PAK5: variants seen among roughly 807,000 people sequenced by gnomAD.
PAK5 encodes serine/threonine-protein kinase PAK 5.
In PAK5, 16 loss-of-function variants were observed where a neutral mutation model predicts 65.9. The ratio of observed to expected loss-of-function variants is 0.24; its 90% CI spans 0.16 to 0.37. The LOEUF is 0.37. PAK5 is among the 10% of genes least tolerant of loss of function. PAK5 has a pLI of 1.00. For synonymous variants in PAK5, 371 were observed against 354.9 expected (o/e 1.05, Z -0.51); for missense variants, 785 against 903.9 (o/e 0.87, Z 1.69).
intron 1 of PAK5, among the ~76,000 whole-genome samples, chr20:9,799,814 G>T (rs932043693): frequency 1.3e-5 from 2 of 151,308 alleles, no homozygotes; most frequent in Admixed American, 1.3e-4. Flanking sequence ...GATGGTGTGC[G>T]CCTATAGTCA....
At position 9,537,453 on chromosome 20, in the gene PAK5, C is replaced by CA. The variant is rs2045189147; in HGVS notation, c.*2008_*2009insT. On this transcript the variant is annotated 3_prime_UTR_variant, in exon 10 of 10. Transcript: ENST00000353224. ...CTGCCAATAGTTAGTGCTCACAAAACCTTTTAAGCTACAGTAACTTTTGGT... is the reference window on the plus strand; with the variant it reads ...CTGCCAATAGTTAGTGCTCACAAAACACTTTTAAGCTACAGTAACTTTTGGT... The CA allele has an allele frequency of 4.3e-5, 9 of 209,208 alleles. No homozygotes were observed. The highest frequency in any genetic ancestry group is 2.0e-4 in the African/African-American group (9 of 43,942). The allele number at this position is 209,208 out of a possible 1,614,324, so 13.0% of individuals were successfully genotyped here.
intron 1 of PAK5, among the ~76,000 whole-genome samples, chr20:9,799,939 CAAAAAAAAAAAAAAAAA>C (rs71331383): frequency 2.3e-5 from 1 of 43,660 alleles, no homozygotes; most frequent in South Asian, 8.5e-4. Context: ...ACTCTGTCTC[CAAAAAAAAAAAAAAAAA>C]AAAAAAAAAA....
rs1384270930 is a variant in PAK5, at chr20:9,838,764, G to A, written c.-164C>T. ...TCCCGACAGGCGCGCCTGCCTACCT[G>A]GTGGCCGGCTGTCAGCGAAGCGGCG... On this transcript the variant is annotated splice_region_variant and 5_prime_UTR_variant, in exon 1 of 10. Coordinates refer to ENST00000353224, the MANE Select transcript of PAK5 (RefSeq NM_177990.4). This position sits in a 1 kb window ranked among gnomAD's most constrained non-coding sequence, Gnocchi z 4.5. The A allele has an allele frequency of 6.6e-6, 1 of 152,230 alleles. No individual in the cohort carries two copies. The highest frequency in any genetic ancestry group is 1.5e-5 in the Non-Finnish European group (1 of 68,060). 9.4% of individuals were successfully genotyped at this position (152,230 alleles called of 1,614,324 possible). A position where few individuals can be genotyped will look rare whatever the true frequency, so the allele number is the denominator to read the frequency against.
chr20:9,828,133 C>T (rs6056914), intron 1 of PAK5, among the ~76,000 whole-genome samples: 46,029 of 152,034 alleles, frequency 0.3, 7,535 homozygotes, highest in Admixed American at 0.38. Flanking sequence ...CCGCGCCCAG[C>T]CAAGTTGCAA....
At chr20:9,677,666 G>T (rs1042592426) in intron 2 of PAK5, among the ~76,000 whole-genome samples, 6 of 152,284 alleles carry the variant, frequency 3.9e-5, no homozygotes, top group Non-Finnish European at 8.8e-5. Context: ...AGTTTGACCA[G>T]AAAACTGTTA....
rs555928872 is a variant in PAK5, at chr20:9,564,561, G to A, written c.1482+1332C>T. Among the ~76,000 whole-genome samples, 30 of 152,252 alleles carry A rather than the reference G, an allele frequency of 2.0e-4. No homozygotes were observed. The South Asian group carries it at 2.3e-3, about 12-fold the overall frequency. On this transcript the variant is annotated intron_variant, in intron 5 of 9. Coordinates refer to ENST00000353224, the MANE Select transcript of PAK5 (RefSeq NM_177990.4). ...GAGATAACATGACAGTCTCAATGAC[G>A]CTAGTGAAGGTGAAACAATACTATT...
chr20:9,774,187 C>T lies in PAK5; in HGVS notation c.-161-62752G>A, dbSNP rs115339753. On this transcript the variant is annotated intron_variant, in intron 1 of 9. Transcript: ENST00000353224. ...CTTCATTCAGTGTGACACCTCACTC[C>T]ATGGGAACACTCCCTACTGAAAGAG... Among the ~76,000 whole-genome samples the T allele has an allele frequency of 6.2e-3, 944 of 152,302 alleles. 10 individuals are homozygous for T. Among genetic ancestry groups the T allele is most frequent in the African/African-American group, 0.022 (908 of 41,566 alleles).
At chr20:9,590,365 A>G (rs1714579343) in intron 3 of PAK5, among the ~76,000 whole-genome samples, 1 of 152,220 alleles carries the variant, frequency 6.6e-6, no homozygotes. Flanking sequence ...AGCAGAAGTC[A>G]GGAAGCCATG....
chr20:9,767,624 T>C (rs2048783626), intron 1 of PAK5, among the ~76,000 whole-genome samples: 3 of 152,082 alleles, frequency 2.0e-5, no homozygotes, highest in South Asian at 4.2e-4. Context: ...TTCCAGGCAA[T>C]ATTTAAGCTT....
chr20:9,675,016 G>A (rs1463564458), intron 2 of PAK5, among the ~76,000 whole-genome samples: 1 of 152,154 alleles, frequency 6.6e-6, no homozygotes, highest in Non-Finnish European at 1.5e-5. Context: ...ATCTGGGTGA[G>A]CCACTTACAA....
At chr20:9,665,452 G>A (rs2047404120) in intron 2 of PAK5, among the ~76,000 whole-genome samples, 1 of 151,988 alleles carries the variant, frequency 6.6e-6, no homozygotes, top group Non-Finnish European at 1.5e-5. Flanking sequence ...TTGCCATTAA[G>A]ATAAGCGGAA....
At chr20:9,588,609 C>A (rs2046111642) in intron 3 of PAK5, among the ~76,000 whole-genome samples, 1 of 152,116 alleles carries the variant, frequency 6.6e-6, no homozygotes. Context: ...AATGAAAATC[C>A]AAACATGCAG....
intron 2 of PAK5, among the ~76,000 whole-genome samples, chr20:9,664,982 T>C (rs933030986): frequency 4.6e-5 from 7 of 151,942 alleles, no homozygotes; most frequent in African/African-American, 1.2e-4. Flanking sequence ...GCTAGAGTCA[T>C]GATCATGGCC....
intron 3 of PAK5, among the ~76,000 whole-genome samples, chr20:9,626,783 A>AT (rs567710905): frequency 2.6e-5 from 4 of 151,522 alleles, no homozygotes; most frequent in Non-Finnish European, 4.4e-5. Flanking sequence ...ATTTTTATTT[A>AT]TTTTTTTTTC....
intron 2 of PAK5, among the ~76,000 whole-genome samples, chr20:9,656,434 C>A (rs1023371426): frequency 2.2e-4 from 34 of 152,178 alleles, no homozygotes; most frequent in African/African-American, 7.9e-4. Flanking sequence ...TTTTCAGGGG[C>A]AGAGTGGAAG....
chr20:9,623,132 AGAG>A (rs2046795122), intron 3 of PAK5, among the ~76,000 whole-genome samples: 1 of 152,254 alleles, frequency 6.6e-6, no homozygotes, highest in African/African-American at 2.4e-5. Flanking sequence ...AAAGGGAAGA[AGAG>A]GAATGGAAGA....
At chr20:9,568,911 C>A (rs1433643678) in intron 4 of PAK5, among the ~76,000 whole-genome samples, 1 of 152,148 alleles carries the variant, frequency 6.6e-6, no homozygotes, top group East Asian at 1.9e-4. Flanking sequence ...TAAGAGCTAG[C>A]TAGAAATTGA....
intron 2 of PAK5, among the ~76,000 whole-genome samples, chr20:9,666,689 C>T (rs1569029256): frequency 6.6e-6 from 1 of 152,050 alleles, no homozygotes; most frequent in East Asian, 1.9e-4. Flanking sequence ...CAAAACAAAA[C>T]AAAACAAAAA....
intron 2 of PAK5, among the ~76,000 whole-genome samples, chr20:9,667,277 C>CA (rs1041102698): frequency 1.1e-4 from 16 of 150,812 alleles, no homozygotes; most frequent in African/African-American, 3.2e-4. Context: ...AACTCCATGT[C>CA]AAAAAAAAAT....
Sources: gnomAD v4.1 joint callset for allele counts (sites outside exome capture counted in the v4.1 genomes callset) on GRCh38, gnomAD v4.1.1 for gene constraint, Gnocchi (gnomAD v3.1) non-coding constraint, MANE v1.5 for transcripts, NCBI Gene and HGNC (gene_info 2026-07-23, HGNC 2026-07-21) for gene names.